COMMD1: variants seen among roughly 807,000 people sequenced by gnomAD.
COMMD1 encodes the protein COMM domain-containing protein 1.
COMMD1 carries 10 observed loss-of-function variants against 17.2 expected under a neutral mutation model. The ratio of observed to expected loss-of-function variants is 0.58; its 90% CI spans 0.36 to 0.99. The LOEUF is 0.99. COMMD1 is among the 50% of genes least tolerant of loss of function. COMMD1 has a pLI of 0.01. For synonymous variants in COMMD1, 97 were observed against 91.6 expected, an observed-to-expected ratio of 1.06 and a Z score of -0.34; for missense variants, 270 against 231.8, an observed-to-expected ratio of 1.17 and a Z score of -1.07.
At chr2:62,025,910 T>TCTCAAACTCCTGGC (rs1669741962) in intron 2 of COMMD1, among the ~76,000 whole-genome samples, 1 of 152,152 alleles carries the variant, frequency 6.6e-6, no homozygotes, top group African/African-American at 2.4e-5. Context: ...GCCAGCCTGG[T>TCTCAAACTCCTGGC]CTCAAACTCC....
intron 1 of COMMD1, among the ~76,000 whole-genome samples, chr2:61,958,817 A>G (rs1458542919): frequency 1.3e-5 from 2 of 152,182 alleles, no homozygotes; most frequent in Non-Finnish European, 2.9e-5. Context: ...TTAATATTGT[A>G]TAGTCATACC....
intron 2 of COMMD1, among the ~76,000 whole-genome samples, chr2:62,023,865 C>T (rs1211837965): frequency 6.6e-6 from 1 of 152,002 alleles, no homozygotes; most frequent in African/African-American, 2.4e-5. Flanking sequence ...AAGGGAAGAA[C>T]AGGAGAATAC....
chr2:61,913,443 C>G (rs59394993), intron 1 of COMMD1, among the ~76,000 whole-genome samples: 1 of 149,806 alleles, frequency 6.7e-6, no homozygotes, highest in Non-Finnish European at 1.5e-5. Flanking sequence ...TTTGGGAGGC[C>G]GAGGCAGATG....
intron 2 of COMMD1, among the ~76,000 whole-genome samples, chr2:62,093,637 G>T (rs796693707): frequency 6.6e-6 from 1 of 152,140 alleles, no homozygotes; most frequent in Non-Finnish European, 1.5e-5. Context: ...CTTTCCTAGG[G>T]CAGCATTCTT....
chr2:62,102,980 CTT>C (rs1237752965), intron 2 of COMMD1, among the ~76,000 whole-genome samples: 18 of 140,750 alleles, frequency 1.3e-4, no homozygotes, highest in Admixed American at 1.4e-4. Flanking sequence ...CTTTTTCTTT[CTT>C]TTTTTTTTTT....
At chr2:61,996,916 C>G (rs548257730) in intron 1 of COMMD1, among the ~76,000 whole-genome samples, 13 of 152,338 alleles carry the variant, frequency 8.5e-5, no homozygotes, top group Non-Finnish European at 1.9e-4. Context: ...GATATTTTGA[C>G]ATTCTTCTAT....
intron 1 of COMMD1, among the ~76,000 whole-genome samples, chr2:61,971,237 T>C (rs1671643398): frequency 6.6e-6 from 1 of 152,234 alleles, no homozygotes; most frequent in African/African-American, 2.4e-5. Flanking sequence ...AGAGCACACC[T>C]GAATAAAGGG....
chr2:62,094,957 A>G (rs1671959412), intron 2 of COMMD1, among the ~76,000 whole-genome samples: 2 of 152,138 alleles, frequency 1.3e-5, no homozygotes, highest in Non-Finnish European at 2.9e-5. Flanking sequence ...TTCAGCTCAT[A>G]GTCTTTTGGA....
chr2:61,942,582 C>T (rs1670780962), intron 1 of COMMD1, among the ~76,000 whole-genome samples: 1 of 147,588 alleles, frequency 6.8e-6, no homozygotes, highest in Non-Finnish European at 1.5e-5. Flanking sequence ...CTCTGTTGCC[C>T]AGGCTGAAGG....
chr2:61,900,260 G>A (rs1163718355), intron 1 of COMMD1, among the ~76,000 whole-genome samples: 3 of 152,158 alleles, frequency 2.0e-5, no homozygotes, highest in Non-Finnish European at 4.4e-5. Context: ...ACATTGGTTC[G>A]GTCCAAGAAG....
intron 2 of COMMD1, among the ~76,000 whole-genome samples, chr2:62,092,787 G>A (rs1671870018): frequency 6.6e-6 from 1 of 152,128 alleles, no homozygotes; most frequent in African/African-American, 2.4e-5. Context: ...TAAGCCCTTA[G>A]CCAACCTCAT....
intron 2 of COMMD1, among the ~76,000 whole-genome samples, chr2:62,044,553 G>T (rs1670327249): frequency 6.6e-6 from 1 of 152,148 alleles, no homozygotes; most frequent in African/African-American, 2.4e-5. Context: ...CTTTTATAGT[G>T]CCTTTCCTCC....
intron 1 of COMMD1, among the ~76,000 whole-genome samples, chr2:61,971,568 A>G (rs1255085757): frequency 6.6e-6 from 1 of 152,108 alleles, no homozygotes; most frequent in Non-Finnish European, 1.5e-5. Context: ...GGGTACTATG[A>G]ATTAAAGAAT....
chr2:62,104,629 G>A (rs868760932), intron 2 of COMMD1, among the ~76,000 whole-genome samples: 32 of 92,122 alleles, frequency 3.5e-4, no homozygotes, highest in African/African-American at 4.4e-4. Flanking sequence ...GTGAGACTCC[G>A]TCTCAAAAAA....
At chr2:62,084,189 A>G (rs989589874) in intron 2 of COMMD1, among the ~76,000 whole-genome samples, 1 of 152,164 alleles carries the variant, frequency 6.6e-6, no homozygotes, top group African/African-American at 2.4e-5. Flanking sequence ...TTGAGCAACA[A>G]AGGGGTTAAG....
intron 2 of COMMD1, among the ~76,000 whole-genome samples, chr2:62,105,737 C>CA (rs1672311440): frequency 6.6e-6 from 1 of 152,184 alleles, no homozygotes; most frequent in South Asian, 2.1e-4. Flanking sequence ...GCAGGAGAAT[C>CA]ACTTGAACCT....
At chr2:61,945,480 C>T (rs1670881213) in intron 1 of COMMD1, among the ~76,000 whole-genome samples, 1 of 152,162 alleles carries the variant, frequency 6.6e-6, no homozygotes, top group South Asian at 2.1e-4. Flanking sequence ...GTACCAAGCA[C>T]CAGTAGGCGA....
chr2:61,907,042 C>T (rs1053393240), intron 1 of COMMD1, among the ~76,000 whole-genome samples: 11 of 152,282 alleles, frequency 7.2e-5, no homozygotes, highest in African/African-American at 2.6e-4. Context: ...CAGGTGTGAT[C>T]CTAGACATTC....
chr2:61,994,726 C>T (rs570657971), intron 1 of COMMD1, among the ~76,000 whole-genome samples: 1 of 152,210 alleles, frequency 6.6e-6, no homozygotes, highest in South Asian at 2.1e-4. Flanking sequence ...CATTAAAATC[C>T]ACTCTCACTT....
Sources: gnomAD v4.1 joint callset for allele counts (sites outside exome capture counted in the v4.1 genomes callset) on GRCh38, gnomAD v4.1.1 for gene constraint, MANE v1.5 for transcripts, NCBI Gene and HGNC (gene_info 2026-07-23, HGNC 2026-07-21) for gene names.